Variants in PTPRG observed in about 807,000 individuals in gnomAD.
PTPRG encodes protein tyrosine phosphatase receptor type G.
In PTPRG, 102 loss-of-function variants were observed where a neutral mutation model predicts 165.3. The ratio of observed to expected loss-of-function variants is 0.62; its 90% CI spans 0.53 to 0.73. PTPRG has a LOEUF of 0.73. PTPRG is among the 30% of genes least tolerant of loss of function. PTPRG has a pLI of 0.00. For synonymous variants in PTPRG, 675 were observed against 669.5 expected, an observed-to-expected ratio of 1.01 and a Z score of -0.13; for missense variants, 1,866 against 1,861.4, an observed-to-expected ratio of 1.00 and a Z score of -0.05.
chr3:62,077,850 A>G (rs1701439222), intron 4 of PTPRG, among the ~76,000 whole-genome samples: 1 of 152,124 alleles, frequency 6.6e-6, no homozygotes, highest in Admixed American at 6.5e-5. Context: ...CAAAAATACA[A>G]AAATTAGCGG....
At chr3:61,649,844 T>C (rs1320233) in intron 1 of PTPRG, among the ~76,000 whole-genome samples, 146,954 of 152,302 alleles carry the variant, frequency 0.96, 71,095 homozygotes, top group East Asian at 1. Flanking sequence ...GGGCTTGAAA[T>C]TGGTAAAGCC....
At chr3:61,630,495 G>C (rs1575550098) in intron 1 of PTPRG, among the ~76,000 whole-genome samples, 1 of 152,108 alleles carries the variant, frequency 6.6e-6, no homozygotes, top group African/African-American at 2.4e-5. Context: ...CCAAGTAAAA[G>C]ATGTTTTCTC....
At chr3:61,959,442 G>A (rs1368741328) in intron 2 of PTPRG, among the ~76,000 whole-genome samples, 3 of 152,168 alleles carry the variant, frequency 2.0e-5, no homozygotes, top group Admixed American at 2.0e-4. Flanking sequence ...TCAGGCACGT[G>A]CAACCTGGAT....
intron 2 of PTPRG, among the ~76,000 whole-genome samples, chr3:61,802,075 A>C (rs1461909554): frequency 6.6e-6 from 1 of 151,798 alleles, no homozygotes; most frequent in Non-Finnish European, 1.5e-5. Context: ...GTTGCATCCT[A>C]ACTAGCTCCA....
At chr3:61,842,095 A>G (rs2036654409) in intron 2 of PTPRG, among the ~76,000 whole-genome samples, 1 of 152,240 alleles carries the variant, frequency 6.6e-6, no homozygotes, top group Non-Finnish European at 1.5e-5. Context: ...AAACACAGTT[A>G]TAAGAACCAA....
intron 4 of PTPRG, among the ~76,000 whole-genome samples, chr3:62,074,382 A>T (rs546158229): frequency 5.9e-5 from 6 of 101,446 alleles, no homozygotes; most frequent in Admixed American, 2.9e-4. Flanking sequence ...TTGAGACAGG[A>T]TCTTGCTCTG....
chr3:62,142,888 T>C (rs1406602565), intron 6 of PTPRG, among the ~76,000 whole-genome samples: 2 of 152,182 alleles, frequency 1.3e-5, no homozygotes, highest in Non-Finnish European at 2.9e-5. Context: ...CAGGGATCAC[T>C]GCATATTCCA....
rs113997067 is a variant in PTPRG at position 62,164,744 on chromosome 3, C to T, written c.841-3227C>T. Among the ~76,000 whole-genome samples, 1,016 of 152,308 alleles carry T rather than the reference C, an allele frequency of 6.7e-3. 14 individuals are homozygous for T. Among genetic ancestry groups the T allele is most frequent in the African/African-American group, 0.024 (984 of 41,564 alleles). On this transcript the variant is annotated intron_variant, in intron 7 of 29. Transcript: ENST00000474889. Reference sequence around the variant, plus strand: ...TTTTTGTGTTAAATTCACAACCTGCCTCATTTTTACAGTTATGTGACTTGT... The same window carrying T: ...TTTTTGTGTTAAATTCACAACCTGCTTCATTTTTACAGTTATGTGACTTGT...
At chr3:61,751,427 C>G (rs1054194587) in intron 2 of PTPRG, among the ~76,000 whole-genome samples, 2 of 152,088 alleles carry the variant, frequency 1.3e-5, no homozygotes, top group African/African-American at 4.8e-5. Context: ...CAGGCAGTTC[C>G]TCAAAGATTG....
intron 4 of PTPRG, among the ~76,000 whole-genome samples, chr3:62,010,966 A>G (rs193016131): frequency 3.3e-5 from 5 of 152,336 alleles, no homozygotes; most frequent in African/African-American, 9.6e-5. Flanking sequence ...GAGTGAGTGC[A>G]GTAGAATTTA....
At chr3:62,265,925 A>ACACC (rs1401710389) in intron 17 of PTPRG, among the ~76,000 whole-genome samples, 2 of 149,752 alleles carry the variant, frequency 1.3e-5, no homozygotes, top group East Asian at 3.9e-4. Flanking sequence ...ACACACACAC[A>ACACC]CCATTCTCTC....
chr3:61,593,248 A>G (rs1371092111), intron 1 of PTPRG, among the ~76,000 whole-genome samples: 2 of 152,098 alleles, frequency 1.3e-5, no homozygotes, highest in African/African-American at 4.8e-5. Flanking sequence ...GGGCACCTCC[A>G]TCTCCCACCA....
chr3:61,797,881 G>GTTT (rs1425968673), intron 2 of PTPRG, among the ~76,000 whole-genome samples: 1 of 151,092 alleles, frequency 6.6e-6, no homozygotes, highest in Non-Finnish European at 1.5e-5. Flanking sequence ...AAGGAGGGAC[G>GTTT]AAAAGAGTGG....
intron 5 of PTPRG, among the ~76,000 whole-genome samples, chr3:62,117,388 C>CA (rs1702904407): frequency 6.6e-6 from 1 of 152,142 alleles, no homozygotes; most frequent in East Asian, 1.9e-4. Context: ...AAATAACTGT[C>CA]ACGTTTCTCA....
chr3:61,880,903 G>A (rs923284159), intron 2 of PTPRG, among the ~76,000 whole-genome samples: 1 of 151,464 alleles, frequency 6.6e-6, no homozygotes, highest in African/African-American at 2.4e-5. Flanking sequence ...ATTTCCAATG[G>A]GGTCAGTTTC....
intron 2 of PTPRG, among the ~76,000 whole-genome samples, chr3:61,886,048 G>A (rs377604200): frequency 1.3e-5 from 2 of 151,886 alleles, no homozygotes; most frequent in African/African-American, 2.4e-5. Context: ...AGGACAACTC[G>A]AGCACCACCC....
chr3:61,899,507 G>C (rs1426129752), intron 2 of PTPRG, among the ~76,000 whole-genome samples: 1 of 152,166 alleles, frequency 6.6e-6, no homozygotes, highest in Non-Finnish European at 1.5e-5. Flanking sequence ...CCCTTCAGGA[G>C]AGAGAGCTGT....
At chr3:62,249,782 T>C (rs1442778084) in intron 15 of PTPRG, among the ~76,000 whole-genome samples, 2 of 152,196 alleles carry the variant, frequency 1.3e-5, no homozygotes, top group Non-Finnish European at 2.9e-5. Context: ...AACTGAAGCC[T>C]ACCCTCAAAG....
rs1203914314 is a variant in PTPRG at position 61,748,860 on chromosome 3, G to T, written c.86-18G>T. On this transcript the variant is annotated intron_variant, in intron 1 of 29. Coordinates refer to ENST00000474889, the MANE Select transcript of PTPRG (RefSeq NM_002841.4). ...GGGGTGCTGCCTTTGTCTCATTGTG[G>T]GTTTTCCTCTCTTCCAGCGTTGACA... 6.2e-7 allele frequency: 1 copy of T among 1,607,488 alleles called. No individual in the cohort carries two copies.
Sources: gnomAD v4.1 joint callset for allele counts (sites outside exome capture counted in the v4.1 genomes callset) on GRCh38, gnomAD v4.1.1 for gene constraint, MANE v1.5 for transcripts, NCBI Gene and HGNC (gene_info 2026-07-23, HGNC 2026-07-21) for gene names.